The following FYB1 variants were observed in gnomAD, a reference collection of about 807,000 sequenced individuals.
FYB1 encodes the protein FYN-binding protein 1.
A neutral mutation model predicts 94.1 loss-of-function variants in FYB1; 41 were observed. That is an observed-to-expected ratio of 0.44 (90% CI 0.34 to 0.57). The LOEUF (loss-of-function observed/expected upper bound fraction) is 0.57. FYB1 is among the 20% of genes least tolerant of loss of function. The probability of loss-of-function intolerance (pLI) is 0.02; values close to 1 mark genes in which losing one functional copy is unlikely to be tolerated. For synonymous variants in FYB1, 367 were observed against 353.2 expected (o/e 1.04, Z -0.44); for missense variants, 1,050 against 976.8 (o/e 1.07, Z -1.00).
rs777531462 is a variant in FYB1 at position 39,202,931 on chromosome 5, C to T, written c.30G>A (p.Pro10=). The T allele has an allele frequency of 9.3e-6, 15 of 1,613,788 alleles. No individual in the cohort carries two copies. Among genetic ancestry groups the T allele is most frequent in the African/African-American group, 4.0e-5 (3 of 74,906 alleles). The change falls in exon 2 of 19, where the codon CCG becomes CCA. Residue 10 remains proline (P), a synonymous_variant. Coordinates refer to ENST00000512982, the MANE Select transcript of FYB1 (RefSeq NM_001465.6). MAKYNTGGN[P]TEDVSVNSRP... ...GGCTATTGACTGAGACATCCTCTGT[C>T]GGGTTGCCCCCCGTGTTATATTTCG...
At chr5:39,152,258 T>A (rs1743311751) in intron 3 of FYB1, among the ~76,000 whole-genome samples, 1 of 152,230 alleles carries the variant, frequency 6.6e-6, no homozygotes, top group Non-Finnish European at 1.5e-5. Context: ...CTTACTATCC[T>A]TAAACCCCCA....
intron 2 of FYB1, among the ~76,000 whole-genome samples, chr5:39,201,013 G>A (rs866860807): frequency 2.6e-5 from 4 of 152,266 alleles, no homozygotes; most frequent in South Asian, 4.1e-4. Context: ...CTATTTACCC[G>A]AAAGGAGAGT....
intron 1 of FYB1, among the ~76,000 whole-genome samples, chr5:39,209,367 C>T (rs896494100): frequency 6.6e-6 from 1 of 151,616 alleles, no homozygotes; most frequent in African/African-American, 2.4e-5. Flanking sequence ...CCCTCTATCA[C>T]CCAGGCTGGA....
chr5:39,245,276 T>A (rs967040386), intron 1 of FYB1, among the ~76,000 whole-genome samples: 7 of 152,204 alleles, frequency 4.6e-5, no homozygotes, highest in Non-Finnish European at 1.0e-4. Context: ...TACCTATAAA[T>A]CTCTGGACTT....
chr5:39,137,462 G>A, intron 7 of FYB1, 138 bp downstream of exon 7: 1 of 997,060 alleles, frequency 1.0e-6, no homozygotes, highest in Non-Finnish European at 1.4e-6. Flanking sequence ...AAAAAGTACT[G>A]TTATGAAGAT....
chr5:39,253,073 C>T (rs111704252), intron 1 of FYB1, among the ~76,000 whole-genome samples: 22 of 152,196 alleles, frequency 1.4e-4, no homozygotes, highest in African/African-American at 4.6e-4. Flanking sequence ...AGAAACAATC[C>T]GATTTTTTCT....
At chr5:39,138,955 G>A in intron 5 of FYB1, 1 of 541,742 alleles carries the variant, frequency 1.8e-6, no homozygotes. Context: ...AAATAGACTG[G>A]GAAAGCAAAA....
intron 1 of FYB1, among the ~76,000 whole-genome samples, chr5:39,251,910 C>T (rs556106471): frequency 1.3e-5 from 2 of 152,094 alleles, no homozygotes; most frequent in East Asian, 3.9e-4. Context: ...TTTGGGAGGC[C>T]GAGGCGGGTG....
rs374269451 is a variant in FYB1 at position 39,201,995 on chromosome 5, C to G, written c.966G>C (p.Val322=). The change falls in exon 2 of 19, where the codon GTG becomes GTC. Residue 322 remains valine (V), a synonymous_variant. Transcript: ENST00000512982. ...RFPKAPSKLT[V]GGPWGQSQEK... is the part of the protein sequence containing the mutation. ...CCTGACTTTGGCCCCATGGCCCCCC[C>G]ACTGTCAGCTTAGAAGGGGCCTTAG... 7 of 1,613,926 alleles carry G rather than the reference C, an allele frequency of 4.3e-6. No individual in the cohort carries two copies. Among genetic ancestry groups the G allele is most frequent in the African/African-American group, 1.3e-5 (1 of 74,936 alleles).
At position 39,153,949 on chromosome 5, in the gene FYB1, T is replaced by A. The variant is rs532790820; in HGVS notation, c.1136-345A>T. Among the ~76,000 whole-genome samples the A allele has an allele frequency of 1.1e-3, 160 of 152,172 alleles. 2 individuals are homozygous for A. The South Asian group carries it at 0.014, about 14-fold the overall frequency. ...CCACAATGCCCATCTAAATTTTTTT[T>A]AAAATGTTATACTTTTTGTAGAGAT... On this transcript the variant is annotated intron_variant, in intron 2 of 18. Transcript: ENST00000512982.
chr5:39,140,270 C>G (rs995301203), intron 4 of FYB1, among the ~76,000 whole-genome samples: 1 of 151,956 alleles, frequency 6.6e-6, no homozygotes, highest in Non-Finnish European at 1.5e-5. Flanking sequence ...ATAAAGGAAC[C>G]CCTACAAGTT....
At chr5:39,173,127 T>G (rs72734761) in intron 2 of FYB1, among the ~76,000 whole-genome samples, 4,332 of 152,276 alleles carry the variant, frequency 0.028, 95 homozygotes, top group Non-Finnish European at 0.044. Flanking sequence ...TTTTTGATTA[T>G]TTTAATAGTA....
chr5:39,106,242 A>G lies in FYB1; in HGVS notation c.*1201T>C, dbSNP rs1760367773. 6.6e-6 allele frequency: 1 copy of G among 152,156 alleles called. No individual in the cohort carries two copies. Among genetic ancestry groups the G allele is most frequent in the Non-Finnish European group, 1.5e-5 (1 of 68,022 alleles). The allele number at this position is 152,156 out of a possible 1,614,324, so 9.4% of individuals were successfully genotyped here. On this transcript the variant is annotated 3_prime_UTR_variant, in exon 19 of 19. Transcript: ENST00000512982. The stretch of plus-strand genomic sequence containing the variant: ...ACTGAGAAGATAAATAATTTATTCA[A>G]TATCACTCGATGGTTCATTAGTAGA...
intron 2 of FYB1, among the ~76,000 whole-genome samples, chr5:39,165,661 T>C (rs1006835226): frequency 3.9e-5 from 6 of 152,196 alleles, no homozygotes; most frequent in African/African-American, 1.4e-4. Context: ...ACTAGAAAGC[T>C]TCTGTCAGTA....
rs148316894 is a variant in FYB1, at chr5:39,114,555, A to G, written c.2402-4166T>C. Among the ~76,000 whole-genome samples the G allele has an allele frequency of 9.8e-5, 15 of 152,336 alleles. No homozygotes were observed. In the East Asian group the frequency reaches 1.2e-3, roughly 12 times the overall value. On this transcript the variant is annotated intron_variant, in intron 16 of 18. Coordinates refer to ENST00000512982, the MANE Select transcript of FYB1 (RefSeq NM_001465.6). ...GGGTAAGGATAACATTAGTTTCACC[A>G]TGGTGCTGGGTTACAAATGCAAAGG...
At chr5:39,189,227 T>A (rs1420380838) in intron 2 of FYB1, among the ~76,000 whole-genome samples, 1 of 107,650 alleles carries the variant, frequency 9.3e-6, no homozygotes, top group African/African-American at 3.5e-5. Flanking sequence ...ACGCCTTTTA[T>A]GGAATTCCTT....
chr5:39,176,311 C>T (rs1165242716), intron 2 of FYB1, among the ~76,000 whole-genome samples: 2 of 151,604 alleles, frequency 1.3e-5, no homozygotes, highest in African/African-American at 4.8e-5. Context: ...CCACCAGGCC[C>T]AGCTCATTTT....
chr5:39,126,508 C>T (rs963839046), intron 11 of FYB1, among the ~76,000 whole-genome samples: 12 of 151,598 alleles, frequency 7.9e-5, no homozygotes, highest in Admixed American at 6.6e-4. Flanking sequence ...CAAGCCTGGG[C>T]AACATAGCAA....
intron 2 of FYB1, among the ~76,000 whole-genome samples, chr5:39,179,487 C>T (rs1450679299): frequency 6.6e-6 from 1 of 152,068 alleles, no homozygotes; most frequent in Non-Finnish European, 1.5e-5. Flanking sequence ...ATTTCTCCCA[C>T]GGATGCTCTG....
Sources: allele counts gnomAD v4.1 joint callset (sites outside exome capture counted in the v4.1 genomes callset), GRCh38; gene constraint gnomAD v4.1.1; transcripts MANE v1.5; gene names NCBI Gene and HGNC (gene_info 2026-07-23, HGNC 2026-07-21).